Variants in PDCD11 observed in about 807,000 individuals in gnomAD.
The protein encoded by PDCD11 is programmed cell death 11, also known as protein RRP5 homolog.
In PDCD11, 97 loss-of-function variants were observed where a neutral mutation model predicts 198.9. That is an observed-to-expected ratio of 0.49 (90% CI 0.41 to 0.58). The LOEUF is 0.58. Ranked by LOEUF, PDCD11 falls within the 20% of genes least tolerant of loss-of-function variation. PDCD11 has a pLI of 0.00. For synonymous variants in PDCD11, 893 were observed against 918.0 expected, an observed-to-expected ratio of 0.97 and a Z score of 0.49; for missense variants, 2,102 against 2,312.7, an observed-to-expected ratio of 0.91 and a Z score of 1.87.
At chr10:103,435,868 AG>A (rs1280755136) in intron 25 of PDCD11, among the ~76,000 whole-genome samples, 3 of 152,176 alleles carry the variant, frequency 2.0e-5, no homozygotes, top group Non-Finnish European at 4.4e-5. Flanking sequence ...AATTCCTAGA[AG>A]TGAAATTGAT....
rs113940597 is a variant in PDCD11, at chr10:103,439,867, C to A, written c.4147C>A (p.Arg1383Ser). Residue 1383 changes from arginine (R) to serine (S), a missense_variant and splice_region_variant, in exon 28 of 36, where the codon CGC becomes AGC. Coordinates refer to ENST00000369797, the MANE Select transcript of PDCD11 (RefSeq NM_014976.2). ...EGKLLTARVL[R>S]LNHQKNLVEL... ...GAAGCTGCTCACAGCCAGGGTCCTACGGTAGGTGCCTTCCCGTTCTCTCTC... is the reference window on the plus strand; with the variant it reads ...GAAGCTGCTCACAGCCAGGGTCCTAAGGTAGGTGCCTTCCCGTTCTCTCTC... The A allele has an allele frequency of 1.2e-6, 2 of 1,614,002 alleles. No homozygotes were observed. Among genetic ancestry groups the A allele is most frequent in the Non-Finnish European group, 8.5e-7 (1 of 1,180,002 alleles).
rs1180948397 is a variant in PDCD11, at chr10:103,425,395, A to T, written c.3175A>T (p.Ile1059Phe). Residue 1059 changes from isoleucine (I) to phenylalanine (F), a missense_variant, in exon 20 of 36, where the codon ATT (isoleucine) becomes TTT (phenylalanine). Physicochemically the swap from Ile to Phe is conservative, Grantham distance 21. Transcript: ENST00000369797. ...TGTGGTTGTGACTCTGGAAGATGGC[A>T]TTATTGGCTGTATCCATGCCTCCCA... Reference protein sequence around the residue: ...THVVVTLEDGIIGCIHASHIL... With the variant: ...THVVVTLEDGFIGCIHASHIL... 1 of 1,614,156 alleles carries T rather than the reference A, an allele frequency of 6.2e-7. No individual in the cohort carries two copies. Among genetic ancestry groups the T allele is most frequent in the Admixed American group, 1.7e-5 (1 of 60,018 alleles).
chr10:103,442,137 C>T, intron 31 of PDCD11, 76 bp from the exon 32 acceptor site: 1 of 1,584,294 alleles, frequency 6.3e-7, no homozygotes, highest in East Asian at 2.2e-5. Context: ...GCCCAGCCAA[C>T]TCGTGACTTC....
At chr10:103,412,406 C>T (rs550745288) in intron 8 of PDCD11, among the ~76,000 whole-genome samples, 8 of 152,174 alleles carry the variant, frequency 5.3e-5, no homozygotes, top group African/African-American at 1.7e-4. Flanking sequence ...CTGCAGTCTC[C>T]GCCTCTTGGG....
In PDCD11 at chr10:103,405,140, A is replaced by T; in HGVS notation, c.521A>T (p.Asn174Ile). 6.2e-7 allele frequency: 1 copy of T among 1,614,058 alleles called. No individual in the cohort carries two copies. Residue 174 changes from asparagine (N) to isoleucine (I), a missense_variant, in exon 5 of 36, where the codon AAT (asparagine) becomes ATT (isoleucine). By Grantham distance (149) the Asn-to-Ile change is moderately radical (BLOSUM62 -3). Transcript: ENST00000369797. ...GTCAAGCTGTCTCTGAACCCCAAAA[A>T]TGTCAACAGAGTGCTGAGTGCTGAG... ...KSVKLSLNPK[N>I]VNRVLSAEAL...
chr10:103,410,784 AT>A (rs869224949), intron 8 of PDCD11, among the ~76,000 whole-genome samples: 19 of 151,530 alleles, frequency 1.3e-4, no homozygotes, highest in African/African-American at 4.3e-4. Flanking sequence ...GTTAAAAAAA[AT>A]TTTTTTTAGG....
chr10:103,399,117 T>G (rs1029133657), intron 2 of PDCD11, among the ~76,000 whole-genome samples: 5 of 151,148 alleles, frequency 3.3e-5, no homozygotes, highest in Admixed American at 6.6e-5. Context: ...GTTTTTTTTT[T>G]TTTTTTTTTT....
chr10:103,426,620 C>A (rs1312778258), intron 20 of PDCD11, among the ~76,000 whole-genome samples: 1 of 151,968 alleles, frequency 6.6e-6, no homozygotes, highest in Admixed American at 6.6e-5. Flanking sequence ...CATGGTGAAA[C>A]CCCGTCTACT....
chr10:103,404,240 C>T (rs146715278), intron 4 of PDCD11, among the ~76,000 whole-genome samples: 4,135 of 150,298 alleles, frequency 0.028, 70 homozygotes, highest in African/African-American at 0.031. Context: ...CCACCCGCCT[C>T]GGCCTCCCAG....
chr10:103,415,072 T>C lies in PDCD11; in HGVS notation c.1439T>C (p.Val480Ala), dbSNP rs764443255. The C allele has an allele frequency of 3.1e-6, 5 of 1,613,914 alleles. No homozygotes were observed. In the Admixed American group the frequency reaches 8.3e-5, roughly 27 times the overall value. Residue 480 changes from valine to alanine, a missense_variant, in exon 12 of 36, where the codon GTA (valine) becomes GCA (alanine). Val to Ala is a moderately conservative substitution (Grantham distance 64, BLOSUM62 0). Transcript: ENST00000369797. The stretch of plus-strand genomic sequence containing the variant: ...GTGGGCGAGCAGATGAGGGGCCTGG[T>C]ACCTCCCATGCACCTGGCTGACATC... ...VKVGEQMRGL[V>A]PPMHLADILM...
rs1043814102 is a variant in PDCD11 at position 103,445,590 on chromosome 10, GC to G, written c.*44del. On this transcript the variant is annotated 3_prime_UTR_variant, in exon 36 of 36. Coordinates refer to ENST00000369797, the MANE Select transcript of PDCD11 (RefSeq NM_014976.2). ...GTGGGACACTGTCAACAATGGGCCA[GC>G]CCGGCCCCGCCTCGAGTGCCTGGGC... 1.3e-6 allele frequency: 2 copies of G among 1,561,256 alleles called. No individual in the cohort carries two copies. The highest frequency in any genetic ancestry group is 2.7e-5 in the African/African-American group (2 of 73,764).
chr10:103,418,536 T>G lies in PDCD11; in HGVS notation c.2008T>G (p.Ser670Ala). The G allele has an allele frequency of 6.2e-7, 1 of 1,614,176 alleles. No individual in the cohort carries two copies. The highest frequency in any genetic ancestry group is 8.5e-7 in the Non-Finnish European group (1 of 1,180,022). ...IRAFLPTSHL[S>A]DHVANGPLLH... ...TGCTTTCCTCCCCACATCTCATCTG[T>G]CGGACCACGTTGCCAACGGCCCATT... Residue 670 changes from serine (S) to alanine (A), a missense_variant, in exon 15 of 36, where the codon TCG becomes GCG. Physicochemically the swap from Ser to Ala is moderately conservative, Grantham distance 99. Transcript: ENST00000369797.
Position 103,443,899 on chromosome 10 carries a change from T to A in PDCD11, c.5125-16T>A. On this transcript the variant is annotated splice_polypyrimidine_tract_variant and intron_variant, in intron 33 of 35. Coordinates refer to ENST00000369797, the MANE Select transcript of PDCD11 (RefSeq NM_014976.2). ...AGTATCACACTCTCCTCAGCGTGCC[T>A]CGTCTTTTCCCACAGGAAGCTGGTG... 6.2e-7 allele frequency: 1 copy of A among 1,613,468 alleles called. No homozygotes were observed. Among genetic ancestry groups the A allele is most frequent in the East Asian group, 2.2e-5 (1 of 44,874 alleles).
At chr10:103,437,930 C>A in intron 25 of PDCD11, 85 bp from the exon 26 acceptor site, 1 of 1,072,606 alleles carries the variant, frequency 9.3e-7, no homozygotes, top group Non-Finnish European at 1.4e-6. Context: ...GCCTATTCGT[C>A]AGCCTGGAGG....
chr10:103,443,684 G>A (rs2032483194), intron 33 of PDCD11, among the ~76,000 whole-genome samples: 1 of 152,158 alleles, frequency 6.6e-6, no homozygotes. Flanking sequence ...GGCTAGGACC[G>A]CCCTCCCATG....
chr10:103,442,543 A>C, intron 32 of PDCD11, 83 bp downstream of exon 32: 1 of 1,509,008 alleles, frequency 6.6e-7, no homozygotes, highest in Non-Finnish European at 8.9e-7. Flanking sequence ...AGCTCCTCCT[A>C]GGCAGGCCGG....
rs2030422877 is a variant in PDCD11 at position 103,405,997 on chromosome 10, A to G, written c.577A>G (p.Thr193Ala). The change falls in exon 6 of 36, where the codon ACC becomes GCC. Residue 193 changes from threonine to alanine, a missense_variant. Coordinates refer to ENST00000369797, the MANE Select transcript of PDCD11 (RefSeq NM_014976.2). ...ALKPGMLLTGTVSSLEDHGYL... is the reference protein window; with the variant it reads ...ALKPGMLLTGAVSSLEDHGYL... ...TTCTCTTCCCCAGCTACTTACAGGTACCGTATCCAGCCTGGAAGACCATGG... is the reference window on the plus strand; with the variant it reads ...TTCTCTTCCCCAGCTACTTACAGGTGCCGTATCCAGCCTGGAAGACCATGG... 1 of 1,613,970 alleles carries G rather than the reference A, an allele frequency of 6.2e-7. No individual in the cohort carries two copies. The highest frequency in any genetic ancestry group is 1.3e-5 in the African/African-American group (1 of 74,920).
In PDCD11 at chr10:103,421,410, G is replaced by A. The variant is rs374950029; in HGVS notation, c.2340G>A (p.Ala780=). 1.3e-4 allele frequency: 216 copies of A among 1,608,888 alleles called. No homozygotes were observed. Among genetic ancestry groups the A allele is most frequent in the Non-Finnish European group, 1.6e-4 (188 of 1,177,694 alleles). ...SDHFVEGQTV[A]AKVTNVDEEK... ...ACTTTGTTGAGGGCCAGACAGTAGC[G>A]GCAAAGGTGACCAATGTGGATGAGG... is the stretch of plus-strand genomic sequence containing the variant. Residue 780 remains alanine, a synonymous_variant, in exon 17 of 36, where the codon GCG becomes GCA. Transcript: ENST00000369797.
At chr10:103,397,607 C>A (rs1472652030) in intron 1 of PDCD11, among the ~76,000 whole-genome samples, 1 of 152,180 alleles carries the variant, frequency 6.6e-6, no homozygotes, top group Non-Finnish European at 1.5e-5. Context: ...CTAATTTTTG[C>A]GTTTTTGGTA....
Sources: gnomAD v4.1 joint callset for allele counts (sites outside exome capture counted in the v4.1 genomes callset) on GRCh38, gnomAD v4.1.1 for gene constraint, MANE v1.5 for transcripts, NCBI Gene and HGNC (gene_info 2026-07-23, HGNC 2026-07-21) for gene names.